Variants in TRPV3 observed in about 807,000 individuals in gnomAD.
TRPV3 encodes the protein transient receptor potential cation channel subfamily V member 3, also known as VRL-3.
TRPV3 carries 88 observed loss-of-function variants against 87.1 expected under a neutral mutation model. The observed-to-expected ratio is 1.01, with a 90% CI of 0.85 to 1.21. The LOEUF is 1.21. TRPV3 is among the 50% of genes most tolerant of loss of function. TRPV3 has a pLI of 0.00. For missense variants in TRPV3, 1,054 were observed against 1,030.1 expected (o/e 1.02, Z -0.32); for synonymous variants, 438 against 423.3 (o/e 1.03, Z -0.43).
Position 3,528,067 on chromosome 17 carries a change from C to A in TRPV3, c.1461G>T (p.Arg487Ser), listed in dbSNP as rs1272935826. 2.5e-6 allele frequency: 4 copies of A among 1,613,782 alleles called. No individual in the cohort carries two copies. Among genetic ancestry groups the A allele is most frequent in the Non-Finnish European group, 3.4e-6 (4 of 1,179,960 alleles). Residue 487 changes from arginine to serine, a missense_variant, in exon 11 of 18, where the codon AGG becomes AGT. Coordinates refer to ENST00000576742, the MANE Select transcript of TRPV3 (RefSeq NM_145068.4). This position sits in a 1 kb window ranked among gnomAD's most constrained non-coding sequence, Gnocchi z 4.2. ...ACATGGCCCAGATGAGCACAAACATCCTCCCTAGGAGCTGCAGCCACCCCA... is the reference window on the plus strand; with the variant it reads ...ACATGGCCCAGATGAGCACAAACATACTCCCTAGGAGCTGCAGCCACCCCA... ...HKMGWLQLLGRMFVLIWAMCI... is the reference protein window; with the variant it reads ...HKMGWLQLLGSMFVLIWAMCI...
rs2074274106 is a variant in TRPV3, at chr17:3,524,244, G to A, written c.1697C>T (p.Thr566Met). The change falls in exon 13 of 18, where the codon ACG (threonine) becomes ATG (methionine). Residue 566 changes from threonine to methionine, a missense_variant. Coordinates refer to ENST00000576742, the MANE Select transcript of TRPV3 (RefSeq NM_145068.4). ...CATGCCCATGGACTGGAAACCCCGC[G>A]TATAGTAGAGCATGTTCGCCCAGCC... Reference protein sequence around the residue: ...ALGWANMLYYTRGFQSMGMYS... With the variant: ...ALGWANMLYYMRGFQSMGMYS... The A allele has an allele frequency of 3.1e-6, 5 of 1,614,112 alleles. No homozygotes were observed. The highest frequency in any genetic ancestry group is 1.7e-5 in the Admixed American group (1 of 60,008).
Position 3,556,290 on chromosome 17 carries a change from G to C in TRPV3, c.-3+1386C>G, listed in dbSNP as rs1337862988. ...TGCAGAGGCTCTGGGTTACATAGGA[G>C]AGCGCGGGCTGCGTTGGGGGGTGGG... On this transcript the variant is annotated intron_variant, in intron 1 of 17. Transcript: ENST00000576742. This position sits in a 1 kb window ranked among gnomAD's most constrained non-coding sequence, Gnocchi z 4.2. 6.6e-6 allele frequency among the ~76,000 whole-genome samples: 1 copy of C among 152,018 alleles called. No individual in the cohort carries two copies. Among genetic ancestry groups the C allele is most frequent in the Non-Finnish European group, 1.5e-5 (1 of 67,992 alleles).
chr17:3,528,749 GCC>G lies in TRPV3; in HGVS notation c.1401+86_1401+87del, dbSNP rs1469379909. 1.3e-5 allele frequency: 19 copies of G among 1,513,830 alleles called. No individual in the cohort carries two copies. The African/African-American group carries it at 2.3e-4, about 19-fold the overall frequency. The allele number at this position is 1,513,830 out of a possible 1,614,324, so 93.8% of individuals were successfully genotyped here. ...CCGCCCAATCTCCTGGTCTCTCTGG[GCC>G]TCAGTTTTCCCACCTGCACGTGGGG... On this transcript the variant is annotated intron_variant, in intron 10 of 17. Coordinates refer to ENST00000576742, the MANE Select transcript of TRPV3 (RefSeq NM_145068.4). The surrounding 1 kb of genome is among the most constrained non-coding windows in gnomAD (Gnocchi z 4.2).
rs570759960 is a variant in TRPV3 at position 3,514,997 on chromosome 17, G to A, written c.2199-325C>T. On this transcript the variant is annotated intron_variant, in intron 16 of 17. Transcript: ENST00000576742. ...GACTGGTGACAGCCCAAGGGGAAGC[G>A]GGGACAGACAGAGGGAGGGCCCGGG... Among the ~76,000 whole-genome samples the A allele has an allele frequency of 9.5e-4, 145 of 152,244 alleles. 1 individual carries two copies. Among genetic ancestry groups the A allele is most frequent in the African/African-American group, 3.3e-3 (139 of 41,550 alleles).
intron 6 of TRPV3, among the ~76,000 whole-genome samples, chr17:3,538,374 T>C (rs775690763): frequency 1.3e-4 from 19 of 149,872 alleles, no homozygotes; most frequent in Non-Finnish European, 2.7e-4. Flanking sequence ...TCACTGGTGG[T>C]CAGGAAAATG....
At chr17:3,527,651 T>G in intron 11 of TRPV3, 5 of 265,170 alleles carry the variant, frequency 1.9e-5, no homozygotes, top group South Asian at 4.2e-5. Context: ...GGAAAGATGG[T>G]TGGATAAAGG....
intron 16 of TRPV3, 48 bp from the exon 17 acceptor site, chr17:3,514,720 G>A: frequency 6.9e-7 from 1 of 1,439,700 alleles, no homozygotes; most frequent in Non-Finnish European, 9.8e-7. Context: ...GCCTCACTGA[G>A]TACTAACAAA....
intron 9 of TRPV3, among the ~76,000 whole-genome samples, chr17:3,529,608 ACT>A (rs1192935544): frequency 6.6e-6 from 1 of 151,704 alleles, no homozygotes; most frequent in Non-Finnish European, 1.5e-5. Flanking sequence ...TCCTCAGTGC[ACT>A]CTCTGACCCT....
rs1195230939 is a variant in TRPV3 at position 3,514,098 on chromosome 17, G to A, written c.2279-87C>T. 3.3e-6 allele frequency: 4 copies of A among 1,218,816 alleles called. No individual in the cohort carries two copies. The Admixed American group carries it at 1.0e-4, about 31-fold the overall frequency. 75.5% of individuals were successfully genotyped at this position (1,218,816 alleles called of 1,614,324 possible). On this transcript the variant is annotated intron_variant, in intron 17 of 17. Coordinates refer to ENST00000576742, the MANE Select transcript of TRPV3 (RefSeq NM_145068.4). ...TCTTTTTCTTTTTTTTCTTTTTTGA[G>A]ATGGAGTTTCCCTCTTGTCACCCAG...
Position 3,518,892 on chromosome 17 carries a change from G to A in TRPV3, c.1811-42C>T, listed in dbSNP as rs1306548035. 6.3e-7 allele frequency: 1 copy of A among 1,582,954 alleles called. No individual in the cohort carries two copies. The highest frequency in any genetic ancestry group is 2.2e-5 in the East Asian group (1 of 44,540). On this transcript the variant is annotated intron_variant, in intron 14 of 17. Coordinates refer to ENST00000576742, the MANE Select transcript of TRPV3 (RefSeq NM_145068.4). This position sits in a 1 kb window ranked among gnomAD's most constrained non-coding sequence, Gnocchi z 4.3. ...GGGTGCTCTCCTCAGCTCTCTGCCTGGTAATTACTCTACAAGCTTGCGTGT... is the reference window on the plus strand; with the variant it reads ...GGGTGCTCTCCTCAGCTCTCTGCCTAGTAATTACTCTACAAGCTTGCGTGT...
intron 13 of TRPV3, among the ~76,000 whole-genome samples, chr17:3,523,992 C>T (rs1239460449): frequency 6.6e-6 from 1 of 152,080 alleles, no homozygotes; most frequent in Admixed American, 6.5e-5. Context: ...ACAAACTGTA[C>T]CCCTCCCCAG....
chr17:3,526,977 A>C (rs11657715), intron 11 of TRPV3, 50 bp from the exon 12 acceptor site: 68 of 1,490,628 alleles, frequency 4.6e-5, no homozygotes, highest in Non-Finnish European at 6.2e-5. Context: ...GGCCCTCAGC[A>C]GGGGAGCTGA....
Position 3,545,386 on chromosome 17 carries a change from T to C in TRPV3, c.120-115A>G. 7.1e-6 allele frequency: 5 copies of C among 703,998 alleles called. No homozygotes were observed. The South Asian group carries it at 8.3e-5, about 12-fold the overall frequency. 43.6% of individuals were successfully genotyped at this position (703,998 alleles called of 1,614,324 possible). ...ATGCTGAGCACACACCCTGGCCAGC[T>C]CTGAGCCCAAATGGCCTTGCCCAGC... is the stretch of plus-strand genomic sequence containing the variant. On this transcript the variant is annotated intron_variant, in intron 2 of 17. Transcript: ENST00000576742.
chr17:3,537,147 A>T (rs2074415481), intron 6 of TRPV3, among the ~76,000 whole-genome samples: 1 of 152,180 alleles, frequency 6.6e-6, no homozygotes. Context: ...TATGTTTGAC[A>T]TAGGATCTTG....
intron 9 of TRPV3, 51 bp from the exon 10 acceptor site, chr17:3,529,046 G>C: frequency 6.2e-7 from 1 of 1,606,138 alleles, no homozygotes; most frequent in South Asian, 1.1e-5. Flanking sequence ...GAGAGGGAGG[G>C]ACCGTTTTCT....
At chr17:3,542,313 A>G (rs576041015) in intron 6 of TRPV3, among the ~76,000 whole-genome samples, 1 of 152,378 alleles carries the variant, frequency 6.6e-6, no homozygotes, top group African/African-American at 2.4e-5. Context: ...GCCAAAAACA[A>G]TGCCTGGCAT....
chr17:3,532,074 C>T (rs1284249840), intron 8 of TRPV3, among the ~76,000 whole-genome samples: 2 of 152,204 alleles, frequency 1.3e-5, no homozygotes, highest in Non-Finnish European at 2.9e-5. Context: ...CAAGCCATGA[C>T]ACCGGCCCCT....
In TRPV3 at chr17:3,530,338, C is replaced by T. The variant is rs1285788043; in HGVS notation, c.1066-135G>A. The T allele has an allele frequency of 1.8e-5, 15 of 813,404 alleles. No homozygotes were observed. The highest frequency in any genetic ancestry group is 5.5e-5 in the East Asian group (2 of 36,116). The allele number at this position is 813,404 out of a possible 1,614,324, so 50.4% of individuals were successfully genotyped here. A position where few individuals can be genotyped will look rare whatever the true frequency, so the allele number is the denominator to read the frequency against. On this transcript the variant is annotated intron_variant, in intron 8 of 17. Transcript: ENST00000576742. This position sits in a 1 kb window ranked among gnomAD's most constrained non-coding sequence, Gnocchi z 4.0. Reference sequence around the variant, plus strand: ...GGTGGAGACCTGCCTCTGCGCCTGGCGCCATGGCCCCTGGGCCCCGTCTTT... The same window carrying T: ...GGTGGAGACCTGCCTCTGCGCCTGGTGCCATGGCCCCTGGGCCCCGTCTTT...
Position 3,556,294 on chromosome 17 carries a change from G to A in TRPV3, c.-3+1382C>T, listed in dbSNP as rs752587005. On this transcript the variant is annotated intron_variant, in intron 1 of 17. Transcript: ENST00000576742. The surrounding 1 kb of genome is among the most constrained non-coding windows in gnomAD (Gnocchi z 4.2). ...GAGGCTCTGGGTTACATAGGAGAGC[G>A]CGGGCTGCGTTGGGGGGTGGGGGAG... Among the ~76,000 whole-genome samples the A allele has an allele frequency of 1.2e-4, 18 of 151,984 alleles. No individual in the cohort carries two copies. Among genetic ancestry groups the A allele is most frequent in the Non-Finnish European group, 2.4e-4 (16 of 67,980 alleles).
Sources: allele counts gnomAD v4.1 joint callset (sites outside exome capture counted in the v4.1 genomes callset), GRCh38; gene constraint gnomAD v4.1.1; non-coding constraint Gnocchi (gnomAD v3.1); transcripts MANE v1.5; gene names NCBI Gene and HGNC (gene_info 2026-07-23, HGNC 2026-07-21).